Variants in FRYL observed in about 807,000 individuals in gnomAD.
The protein encoded by FRYL is FRY like transcription coactivator, also known as protein furry homolog-like.
A neutral mutation model predicts 351.2 loss-of-function variants in FRYL; 150 were observed. The observed-to-expected ratio is 0.43, with a 90% confidence interval of 0.37 to 0.49. The LOEUF (loss-of-function observed/expected upper bound fraction) is 0.49, where lower values mean the gene tolerates loss of function less well. Among genes scored for constraint, FRYL ranks in the 20% least tolerant of loss-of-function variants. FRYL has a pLI of 0.00. For synonymous variants in FRYL, 1,153 were observed against 1,257.1 expected (o/e 0.92, Z 1.75); for missense variants, 3,036 against 3,619.3 (o/e 0.84, Z 4.13).
chr4:48,518,983 G>C (rs953184464), intron 55 of FRYL, among the ~76,000 whole-genome samples: 3 of 152,206 alleles, frequency 2.0e-5, no homozygotes, highest in African/African-American at 7.2e-5. Context: ...ACGAGGTAGC[G>C]CCTCAGTAGA....
Position 48,650,926 on chromosome 4 carries a change from T to C in FRYL, c.-80-16436A>G, listed in dbSNP as rs371077079. ...AGCTGTGGTCAAGGACCGAAAGGGG[T>C]TGGGGTGAAAGAGGCGTGGTAACCA... On this transcript the variant is annotated intron_variant, in intron 3 of 63. Coordinates refer to ENST00000358350, the MANE Select transcript of FRYL (RefSeq NM_015030.2). Among the ~76,000 whole-genome samples the C allele has an allele frequency of 1.0e-3, 158 of 151,686 alleles. 3 individuals carry two copies. The South Asian group carries it at 0.032, about 31-fold the overall frequency.
Position 48,736,850 on chromosome 4 carries a change from GAAAAAAAAAA to G in FRYL, c.-383-26162_-383-26153del, listed in dbSNP as rs368006420. ...GGGCGACAGACTGAGACTCTGTCTCGAAAAAAAAAAAAAAAAAAAAGAAAAAAGAAAAAGA... is the reference window on the plus strand; with the variant it reads ...GGGCGACAGACTGAGACTCTGTCTCGAAAAAAAAAAGAAAAAAGAAAAAGA... On this transcript the variant is annotated intron_variant, in intron 1 of 63. Coordinates refer to ENST00000358350, the MANE Select transcript of FRYL (RefSeq NM_015030.2). Among the ~76,000 whole-genome samples, 12 of 40,610 alleles carry G rather than the reference GAAAAAAAAAA, an allele frequency of 3.0e-4. No homozygotes were observed. In the East Asian group the frequency reaches 5.9e-3, roughly 20 times the overall value. 26.6% of individuals were successfully genotyped at this position (40,610 alleles called of 152,430 possible).
intron 28 of FRYL, among the ~76,000 whole-genome samples, chr4:48,566,480 T>C (rs1336397188): frequency 6.6e-6 from 1 of 152,062 alleles, no homozygotes; most frequent in Non-Finnish European, 1.5e-5. Flanking sequence ...ATCAGAAAAT[T>C]TCGAAAAAAA....
At chr4:48,557,770 A>G in intron 33 of FRYL, 58 bp from the exon 34 acceptor site, 2 of 1,579,570 alleles carry the variant, frequency 1.3e-6, no homozygotes, top group Non-Finnish European at 1.7e-6. Context: ...TCTGACCCGT[A>G]ATTAATTCCA....
In FRYL at chr4:48,498,617, ATTAT is replaced by A. The variant is rs1217501134; in HGVS notation, c.*801_*804del. ...GCATTCCAATAACGTTAACAGATAT[ATTAT>A]TTCTTTTTGAAATACTGGGAAAGCC... On this transcript the variant is annotated 3_prime_UTR_variant, in exon 64 of 64. Transcript: ENST00000358350. 1 of 152,646 alleles carries A rather than the reference ATTAT, an allele frequency of 6.6e-6. No homozygotes were observed. Among genetic ancestry groups the A allele is most frequent in the Non-Finnish European group, 1.5e-5 (1 of 68,050 alleles). The allele number at this position is 152,646 out of a possible 1,614,324, so 9.5% of individuals were successfully genotyped here. A position where few individuals can be genotyped will look rare whatever the true frequency, so the allele number is the denominator to read the frequency against.
chr4:48,553,197 T>G lies in FRYL; in HGVS notation c.4435+18A>C, dbSNP rs751315542. On this transcript the variant is annotated intron_variant, in intron 36 of 63. Transcript: ENST00000358350. ...GTCTATCATCTCACACAGCAATCGG[T>G]TTTAACAAATTTCTCACCTGAGGTG... 1.8e-5 allele frequency: 29 copies of G among 1,602,046 alleles called. No individual in the cohort carries two copies. The highest frequency in any genetic ancestry group is 2.4e-5 in the Non-Finnish European group (28 of 1,172,788).
chr4:48,577,943 T>C (rs1316268849), intron 23 of FRYL, among the ~76,000 whole-genome samples: 2 of 150,746 alleles, frequency 1.3e-5, no homozygotes, highest in African/African-American at 2.4e-5. Context: ...CCTGAGAACA[T>C]ATATATACAA....
intron 59 of FRYL, among the ~76,000 whole-genome samples, chr4:48,507,785 G>C (rs1721572914): frequency 6.6e-6 from 1 of 152,138 alleles, no homozygotes; most frequent in Non-Finnish European, 1.5e-5. Context: ...GAACTGCAGA[G>C]AAGTGACCCC....
chr4:48,536,907 C>A (rs1203819431), intron 47 of FRYL, among the ~76,000 whole-genome samples: 1 of 152,068 alleles, frequency 6.6e-6, no homozygotes, highest in African/African-American at 2.4e-5. Flanking sequence ...TATCATGGAA[C>A]AAGCACAAAA....
intron 57 of FRYL, among the ~76,000 whole-genome samples, chr4:48,511,758 T>C (rs1326753842): frequency 6.6e-6 from 1 of 152,042 alleles, no homozygotes; most frequent in Admixed American, 6.6e-5. Flanking sequence ...AGACTGGAGG[T>C]TGGAGTGGTT....
intron 41 of FRYL, 39 bp from the exon 42 acceptor site, chr4:48,546,310 A>G (rs1427610805): frequency 1.4e-6 from 2 of 1,467,322 alleles, no homozygotes; most frequent in East Asian, 4.6e-5. Context: ...TAAAACATGA[A>G]AGAATCTCAC....
At chr4:48,629,702 C>A (rs1338476184) in intron 4 of FRYL, among the ~76,000 whole-genome samples, 1 of 151,988 alleles carries the variant, frequency 6.6e-6, no homozygotes, top group East Asian at 1.9e-4. Context: ...ACTTGAGGCA[C>A]AACCAGAGGG....
At chr4:48,538,227 GGCTTACTTCCTACCA>G (rs973036541) in intron 47 of FRYL, among the ~76,000 whole-genome samples, 1 of 151,874 alleles carries the variant, frequency 6.6e-6, no homozygotes, top group Non-Finnish European at 1.5e-5. Flanking sequence ...ACTTATTTTT[GGCTTACTTCCTACCA>G]CCACCATTTT....
At chr4:48,639,498 T>A (rs1754916280) in intron 3 of FRYL, among the ~76,000 whole-genome samples, 6 of 132,620 alleles carry the variant, frequency 4.5e-5, no homozygotes, top group Admixed American at 4.5e-4. Flanking sequence ...AAAAAAAAAA[T>A]CTAGATACAG....
In FRYL at chr4:48,515,059, C is replaced by A; in HGVS notation, c.7906G>T (p.Glu2636Ter). The A allele has an allele frequency of 6.2e-7, 1 of 1,613,832 alleles. No individual in the cohort carries two copies. Among genetic ancestry groups the A allele is most frequent in the South Asian group, 1.1e-5 (1 of 91,070 alleles). Residue 2636 changes from glutamate to a stop codon, truncating the protein, a stop_gained, in exon 56 of 64, where the codon GAA becomes TAA. Coordinates refer to ENST00000358350, the MANE Select transcript of FRYL (RefSeq NM_015030.2). LOFTEE classifies it high-confidence loss of function. Reference sequence around the variant, plus strand: ...AGTCCGGAGAAATCCGCTTCTTCTTCTTCACATCTTTCATCTAGCTCTTTC... The same window carrying A: ...AGTCCGGAGAAATCCGCTTCTTCTTATTCACATCTTTCATCTAGCTCTTTC... Reference protein sequence around the residue: ...ALKELDERCEEEEADFSGLSS... With the variant: ...ALKELDERCE
At chr4:48,722,692 A>T (rs532277645) in intron 1 of FRYL, among the ~76,000 whole-genome samples, 3 of 152,362 alleles carry the variant, frequency 2.0e-5, no homozygotes, top group African/African-American at 7.2e-5. Context: ...ACAAAAAGTC[A>T]GTGGTTTCCT....
intron 18 of FRYL, 85 bp from the exon 19 acceptor site, chr4:48,586,813 T>A (rs1345179639): frequency 1.2e-6 from 1 of 843,230 alleles, no homozygotes; most frequent in Non-Finnish European, 1.9e-6. Flanking sequence ...CTACAGAAAG[T>A]GCGAGTCCTC....
At chr4:48,676,149 A>G (rs1242864038) in intron 3 of FRYL, among the ~76,000 whole-genome samples, 1 of 152,154 alleles carries the variant, frequency 6.6e-6, no homozygotes, top group Non-Finnish European at 1.5e-5. Context: ...ATAAGAGAAT[A>G]AAAGCAGGCT....
Position 48,497,533 on chromosome 4 carries a change from ATCAT to A in FRYL, c.*1885_*1888del, listed in dbSNP as rs1358291538. 4 of 152,638 alleles carry A rather than the reference ATCAT, an allele frequency of 2.6e-5. No individual in the cohort carries two copies. The highest frequency in any genetic ancestry group is 4.1e-4 in the South Asian group (2 of 4,832). The allele number at this position is 152,638 out of a possible 1,614,324, so 9.5% of individuals were successfully genotyped here. ...AGGTTTCTAAATGATGCACACTGTAATCATTCATTCTTTGTTAAAATACAACACA... is the reference window on the plus strand; with the variant it reads ...AGGTTTCTAAATGATGCACACTGTAATCATTCTTTGTTAAAATACAACACA... On this transcript the variant is annotated 3_prime_UTR_variant, in exon 64 of 64. Transcript: ENST00000358350.
Sources: allele counts gnomAD v4.1 joint callset (sites outside exome capture counted in the v4.1 genomes callset), GRCh38; gene constraint gnomAD v4.1.1; transcripts MANE v1.5; gene names NCBI Gene and HGNC (gene_info 2026-07-23, HGNC 2026-07-21).